The following DYM variants were observed in gnomAD, a reference collection of about 807,000 sequenced individuals.
DYM encodes dymeclin.
A neutral mutation model predicts 93.1 loss-of-function variants in DYM; 78 were observed. That is an observed-to-expected ratio of 0.84 (90% CI 0.70 to 1.01). The LOEUF is 1.01. Ranked by LOEUF, DYM falls within the 50% of genes least tolerant of loss-of-function variation. DYM has a pLI of 0.00. For synonymous variants in DYM, 321 were observed against 319.7 expected (o/e 1.00, Z -0.04); for missense variants, 789 against 845.0 (o/e 0.93, Z 0.82).
At chr18:49,125,056 G>T (rs1044143847) in intron 15 of DYM, among the ~76,000 whole-genome samples, 1 of 152,082 alleles carries the variant, frequency 6.6e-6, no homozygotes, top group Non-Finnish European at 1.5e-5. Context: ...TCAAGAGATC[G>T]AGACCATCCT....
chr18:49,160,312 T>C (rs1236205105), intron 15 of DYM, among the ~76,000 whole-genome samples: 4 of 152,326 alleles, frequency 2.6e-5, no homozygotes, highest in East Asian at 3.9e-4. Context: ...CAGACCAACA[T>C]AGTTGCACTA....
chr18:49,364,740 A>C (rs2066358367), intron 5 of DYM, among the ~76,000 whole-genome samples: 1 of 152,138 alleles, frequency 6.6e-6, no homozygotes. Context: ...ACTGCAGTGT[A>C]TATTCCAGCA....
In DYM at chr18:49,304,335, G is replaced by A. The variant is rs754429906; in HGVS notation, c.764-17719C>T. Among the ~76,000 whole-genome samples the A allele has an allele frequency of 6.6e-4, 101 of 152,094 alleles. 2 individuals carry two copies. The highest frequency in any genetic ancestry group is 2.9e-4 in the Non-Finnish European group (20 of 68,012). Reference sequence around the variant, plus strand: ...AGCCTTAACCCAACAAATTGTCAACGGCTAGAATCAGAACTCATTACCTAC... The same window carrying A: ...AGCCTTAACCCAACAAATTGTCAACAGCTAGAATCAGAACTCATTACCTAC... On this transcript the variant is annotated intron_variant, in intron 8 of 17. Coordinates refer to ENST00000675505, the MANE Select transcript of DYM (RefSeq NM_001353214.3).
intron 6 of DYM, among the ~76,000 whole-genome samples, chr18:49,358,485 A>T (rs2065751672): frequency 6.6e-6 from 1 of 151,878 alleles, no homozygotes; most frequent in African/African-American, 2.4e-5. Context: ...ATAGATACAC[A>T]CTCCCTGAAA....
chr18:49,345,799 G>T (rs568341746), intron 6 of DYM, among the ~76,000 whole-genome samples: 11 of 151,840 alleles, frequency 7.2e-5, no homozygotes, highest in African/African-American at 1.2e-4. Flanking sequence ...AAGTCAACAG[G>T]CAAACTGAAA....
chr18:49,435,186 G>T (rs1383368856), intron 1 of DYM, among the ~76,000 whole-genome samples: 1 of 133,936 alleles, frequency 7.5e-6, no homozygotes, highest in African/African-American at 2.8e-5. Context: ...TCAGTCTGGG[G>T]AACAGACCAT....
intron 10 of DYM, among the ~76,000 whole-genome samples, 187 bp downstream of exon 10, chr18:49,281,810 G>C (rs2094986921): frequency 6.6e-6 from 1 of 152,168 alleles, no homozygotes; most frequent in African/African-American, 2.4e-5. Context: ...TTGTGGAGTG[G>C]GGGCAGGGGG....
At chr18:49,377,380 T>G (rs1323484348) in intron 5 of DYM, among the ~76,000 whole-genome samples, 1 of 152,078 alleles carries the variant, frequency 6.6e-6, no homozygotes, top group Non-Finnish European at 1.5e-5. Flanking sequence ...GCCAACATGC[T>G]GAAACCCCAT....
chr18:49,036,502 C>A lies in DYM; in HGVS notation c.*7553G>T, dbSNP rs946499263. On this transcript the variant is annotated 3_prime_UTR_variant, in exon 18 of 18. Coordinates refer to ENST00000675505, the MANE Select transcript of DYM (RefSeq NM_001353214.3). Reference sequence around the variant, plus strand: ...ATACACCTATCACTGCAATAAAGATCATTTCAACTAGATTTAAAATTTATT... The same window carrying A: ...ATACACCTATCACTGCAATAAAGATAATTTCAACTAGATTTAAAATTTATT... Among the ~76,000 whole-genome samples, 2 of 152,144 alleles carry A rather than the reference C, an allele frequency of 1.3e-5. No homozygotes were observed. Among genetic ancestry groups the A allele is most frequent in the African/African-American group, 4.8e-5 (2 of 41,432 alleles).
intron 6 of DYM, among the ~76,000 whole-genome samples, chr18:49,349,980 T>C (rs1308253839): frequency 6.6e-6 from 1 of 152,130 alleles, no homozygotes; most frequent in African/African-American, 2.4e-5. Context: ...GATCACAGTA[T>C]GACTTCAATC....
At chr18:49,197,309 C>CT (rs1389712456) in intron 14 of DYM, among the ~76,000 whole-genome samples, 1 of 151,836 alleles carries the variant, frequency 6.6e-6, no homozygotes, top group Non-Finnish European at 1.5e-5. Context: ...TAGGAACAAG[C>CT]TTTTTAAAAG....
At chr18:49,361,100 A>G (rs1166047176) in intron 6 of DYM, among the ~76,000 whole-genome samples, 1 of 152,232 alleles carries the variant, frequency 6.6e-6, no homozygotes, top group African/African-American at 2.4e-5. Flanking sequence ...ATCTGGGCAC[A>G]CAGCACCACT....
At chr18:49,451,782 T>C (rs919290681) in intron 1 of DYM, among the ~76,000 whole-genome samples, 1 of 152,196 alleles carries the variant, frequency 6.6e-6, no homozygotes, top group African/African-American at 2.4e-5. Context: ...AGAGAGAAAA[T>C]ATGCTCCAAA....
intron 14 of DYM, among the ~76,000 whole-genome samples, chr18:49,169,408 G>A (rs1016040563): frequency 6.6e-6 from 1 of 152,196 alleles, no homozygotes; most frequent in Non-Finnish European, 1.5e-5. Flanking sequence ...CACTGCACGT[G>A]CATCAAGTGT....
chr18:49,460,032 T>A (rs771082324), intron 1 of DYM, among the ~76,000 whole-genome samples: 1 of 152,168 alleles, frequency 6.6e-6, no homozygotes, highest in East Asian at 1.9e-4. Context: ...TTTTCTGATA[T>A]GTTAGTTATA....
chr18:49,167,362 A>G (rs2088037254), intron 14 of DYM, among the ~76,000 whole-genome samples: 1 of 152,124 alleles, frequency 6.6e-6, no homozygotes, highest in African/African-American at 2.4e-5. Flanking sequence ...AGCTGTGGAT[A>G]CTGCTTCTAG....
intron 2 of DYM, among the ~76,000 whole-genome samples, chr18:49,407,700 A>G (rs1425802143): frequency 6.6e-6 from 1 of 152,180 alleles, no homozygotes; most frequent in Non-Finnish European, 1.5e-5. Flanking sequence ...CCTACCTCCA[A>G]CGTTGGAGGT....
chr18:49,142,744 C>A (rs10775490), intron 15 of DYM, among the ~76,000 whole-genome samples: 114,435 of 152,028 alleles, frequency 0.75, 43,891 homozygotes, highest in Non-Finnish European at 0.83. Flanking sequence ...AGTTACTTAC[C>A]AAAGAATAGG....
chr18:49,441,289 TATAA>T (rs1568454868), intron 1 of DYM, among the ~76,000 whole-genome samples: 3 of 44,672 alleles, frequency 6.7e-5, no homozygotes, highest in African/African-American at 3.7e-4. Flanking sequence ...TATAATTATA[TATAA>T]TATAATTATA....
Sources: gnomAD v4.1 joint callset for allele counts (sites outside exome capture counted in the v4.1 genomes callset) on GRCh38, gnomAD v4.1.1 for gene constraint, MANE v1.5 for transcripts, NCBI Gene and HGNC (gene_info 2026-07-23, HGNC 2026-07-21) for gene names.